The following ZNF236 variants were observed in gnomAD, a reference collection of about 807,000 sequenced individuals.
ZNF236 encodes zinc finger protein 236.
Under a neutral mutation model 191.2 loss-of-function variants are expected in ZNF236, and 50 were observed. The observed-to-expected ratio is 0.26, with a 90% CI of 0.21 to 0.33. The LOEUF is 0.33. Ranked by LOEUF, ZNF236 falls within the 10% of genes least tolerant of loss-of-function variation. The pLI is 1.00. For synonymous variants in ZNF236, 907 were observed against 928.8 expected, an observed-to-expected ratio of 0.98 and a Z score of 0.43; for missense variants, 1,754 against 2,374.5, an observed-to-expected ratio of 0.74 and a Z score of 5.43.
chr18:76,951,770 G>T (rs78812248), intron 27 of ZNF236, among the ~76,000 whole-genome samples: 2 of 152,178 alleles, frequency 1.3e-5, no homozygotes, highest in African/African-American at 4.8e-5. Flanking sequence ...AGCTCTCTGC[G>T]TGCCTTCCTC....
rs187390932 is a variant in ZNF236, at chr18:76,871,310, A to G, written c.543-391A>G. 3.2e-4 allele frequency among the ~76,000 whole-genome samples: 49 copies of G among 152,276 alleles called. No homozygotes were observed. The East Asian group carries it at 5.8e-3, about 18-fold the overall frequency. ...AGTTGCTGGAGGTAGGAGTTTGGAC[A>G]TCATTGGTATGCAGATGGTGCGGAG... On this transcript the variant is annotated intron_variant, in intron 4 of 30. Transcript: ENST00000320610.
intron 17 of ZNF236, among the ~76,000 whole-genome samples, chr18:76,912,764 C>T (rs562734448): frequency 6.6e-5 from 10 of 152,274 alleles, no homozygotes; most frequent in African/African-American, 2.4e-4. Context: ...TAGATGTGTC[C>T]GTCCACTGGC....
chr18:76,950,947 C>A (rs1968392856), intron 27 of ZNF236, among the ~76,000 whole-genome samples: 1 of 152,208 alleles, frequency 6.6e-6, no homozygotes, highest in African/African-American at 2.4e-5. Context: ...ACATCTCCAT[C>A]ACAGCTCTTG....
intron 26 of ZNF236, among the ~76,000 whole-genome samples, chr18:76,944,737 G>A (rs571118047): frequency 2.0e-5 from 3 of 152,286 alleles, no homozygotes; most frequent in African/African-American, 7.2e-5. Context: ...AGCTGAGATT[G>A]TGCCATTGCA....
At position 76,871,390 on chromosome 18, in the gene ZNF236, C is replaced by T. The variant is rs747877013; in HGVS notation, c.543-311C>T. 5.3e-5 allele frequency among the ~76,000 whole-genome samples: 8 copies of T among 152,100 alleles called. No homozygotes were observed. The East Asian group carries it at 9.6e-4, about 18-fold the overall frequency. On this transcript the variant is annotated intron_variant, in intron 4 of 30. Transcript: ENST00000320610. ...CAGGTGTCAGTGTAGAAATTATACC[C>T]GTAGCATCTTTGTTTCTGACCATCA...
At chr18:76,920,321 C>T (rs1235441761) in intron 20 of ZNF236, among the ~76,000 whole-genome samples, 6 of 152,150 alleles carry the variant, frequency 3.9e-5, no homozygotes, top group East Asian at 1.9e-4. Flanking sequence ...GAGGCTGAGG[C>T]GGGAGGATCA....
chr18:76,871,605 A>C, intron 4 of ZNF236, 96 bp from the exon 5 acceptor site: 1 of 1,459,336 alleles, frequency 6.9e-7, no homozygotes, highest in Non-Finnish European at 9.5e-7. Context: ...GGTTCTGATG[A>C]CTAGTCAGCC....
chr18:76,849,608 A>C lies in ZNF236; in HGVS notation c.138A>C (p.Leu46=). ...PNFHKCEICL[L]SFPKESQFQR... is the part of the protein sequence containing the mutation. ...TCCATAAATGTGAAATCTGTCTACT[A>C]TCTTTTCCAAAAGAATCCCAGTTTC... Residue 46 remains leucine, a synonymous_variant, in exon 2 of 31, where the codon CTA becomes CTC. Coordinates refer to ENST00000320610, the MANE Select transcript of ZNF236 (RefSeq NM_001306089.2). 2 of 1,611,134 alleles carry C rather than the reference A, an allele frequency of 1.2e-6. No individual in the cohort carries two copies. The highest frequency in any genetic ancestry group is 1.7e-6 in the Non-Finnish European group (2 of 1,179,288).
At chr18:76,830,730 G>A (rs1975149310) in intron 1 of ZNF236, among the ~76,000 whole-genome samples, 1 of 152,182 alleles carries the variant, frequency 6.6e-6, no homozygotes, top group African/African-American at 2.4e-5. Flanking sequence ...GGCTGCATGT[G>A]GACTGTGGAT....
chr18:76,830,984 C>T (rs1975154109), intron 1 of ZNF236, among the ~76,000 whole-genome samples: 1 of 152,178 alleles, frequency 6.6e-6, no homozygotes, highest in African/African-American at 2.4e-5. Flanking sequence ...TAATATGGAG[C>T]AGATAGTATG....
At chr18:76,868,362 C>A (rs1976475965) in intron 3 of ZNF236, among the ~76,000 whole-genome samples, 1 of 152,224 alleles carries the variant, frequency 6.6e-6, no homozygotes, top group Non-Finnish European at 1.5e-5. Context: ...CTAAAGCGCT[C>A]ACAGAATAGG....
chr18:76,926,980 T>G, intron 22 of ZNF236, 57 bp from the exon 23 acceptor site: 3 of 1,553,290 alleles, frequency 1.9e-6, no homozygotes, highest in Non-Finnish European at 2.6e-6. Flanking sequence ...ATGAATTACT[T>G]TAGTTTTAAG....
intron 17 of ZNF236, among the ~76,000 whole-genome samples, chr18:76,913,199 A>G (rs1967264427): frequency 6.6e-6 from 1 of 152,212 alleles, no homozygotes; most frequent in Admixed American, 6.5e-5. Flanking sequence ...TTTAATCCTT[A>G]AGATAACATT....
intron 11 of ZNF236, among the ~76,000 whole-genome samples, chr18:76,903,947 A>G (rs923649918): frequency 1.3e-5 from 2 of 148,172 alleles, no homozygotes; most frequent in African/African-American, 5.0e-5. Flanking sequence ...TTCATACTGA[A>G]TAAACAAGGT....
At chr18:76,947,457 C>G (rs1208654013) in intron 26 of ZNF236, 64 bp from the exon 27 acceptor site, 1 of 1,569,978 alleles carries the variant, frequency 6.4e-7, no homozygotes. Context: ...CATAAAAGAT[C>G]TTTTAAATTA....
chr18:76,936,800 G>A lies in ZNF236; in HGVS notation c.4595-356G>A, dbSNP rs118039650. On this transcript the variant is annotated intron_variant, in intron 25 of 30. Coordinates refer to ENST00000320610, the MANE Select transcript of ZNF236 (RefSeq NM_001306089.2). ...TCACACTTGCTTCCTTTCTTCAGCT[G>A]GTCTCTTTGGTTGTGGATGGGGACA... Among the ~76,000 whole-genome samples, 1,260 of 152,252 alleles carry A rather than the reference G, an allele frequency of 8.3e-3. 6 individuals carry two copies. The highest frequency in any genetic ancestry group is 0.015 in the Non-Finnish European group (1,008 of 68,008).
chr18:76,826,799 C>CAAA (rs376683576), intron 1 of ZNF236, among the ~76,000 whole-genome samples: 8 of 98,554 alleles, frequency 8.1e-5, no homozygotes, highest in African/African-American at 2.8e-4. Context: ...GACTCAGTCT[C>CAAA]AAAAAAAAAA....
At chr18:76,929,765 A>G (rs1967799028) in intron 25 of ZNF236, among the ~76,000 whole-genome samples, 2 of 152,218 alleles carry the variant, frequency 1.3e-5, no homozygotes, top group African/African-American at 4.8e-5. Context: ...TCCTTATCCC[A>G]TTTTGAAAGG....
rs576291443 is a variant in ZNF236 at position 76,873,737 on chromosome 18, A to G, written c.668-1755A>G. ...CATCGTCATCTAGAACAGGAAGGGT[A>G]TCTCTTCGCAGGCAGTGTCGTGACT... On this transcript the variant is annotated intron_variant, in intron 5 of 30. Transcript: ENST00000320610. Among the ~76,000 whole-genome samples the G allele has an allele frequency of 2.6e-4, 40 of 152,292 alleles. 1 individual carries two copies. The highest frequency in any genetic ancestry group is 3.4e-3 in the Middle Eastern group (1 of 294).
Sources: allele counts gnomAD v4.1 joint callset (sites outside exome capture counted in the v4.1 genomes callset), GRCh38; gene constraint gnomAD v4.1.1; transcripts MANE v1.5; gene names NCBI Gene and HGNC (gene_info 2026-07-23, HGNC 2026-07-21).